HMMR: variants seen among roughly 807,000 people sequenced by gnomAD.
The protein encoded by HMMR is intracellular hyaluronic acid-binding protein.
In HMMR, 108 loss-of-function variants were observed where a neutral mutation model predicts 101.0. The ratio of observed to expected loss-of-function variants is 1.07; its 90% CI spans 0.92 to 1.25. The LOEUF is 1.25. Ranked by LOEUF, HMMR falls within the 50% of genes most tolerant of loss-of-function variation. HMMR has a pLI of 0.00. For synonymous variants in HMMR, 296 were observed against 276.4 expected (o/e 1.07, Z -0.70); for missense variants, 813 against 788.7 (o/e 1.03, Z -0.37).
chr5:163,464,787 G>A lies in HMMR; in HGVS notation c.210G>A (p.Lys70=), dbSNP rs1758647339. 1.2e-6 allele frequency: 2 copies of A among 1,610,788 alleles called. No homozygotes were observed. Among genetic ancestry groups the A allele is most frequent in the South Asian group, 1.1e-5 (1 of 91,000 alleles). The change falls in exon 3 of 18, where the codon AAG becomes AAA. Residue 70 remains lysine (K), a synonymous_variant. Coordinates refer to ENST00000393915, the MANE Select transcript of HMMR (RefSeq NM_001142556.2). ...TTLPASARKV[K]SSESKKESQK... ...TGCCTGCTTCAGCTAGAAAAGTTAA[G>A]TCTTCGGAATCAAAGGTGAGGAGCT...
intron 2 of HMMR, 51 bp from the exon 3 acceptor site, chr5:163,464,672 G>A (rs764460129): frequency 2.4e-6 from 3 of 1,255,584 alleles, no homozygotes; most frequent in Non-Finnish European, 2.3e-6. Context: ...TTTGTGTGTA[G>A]TTAAAACACA....
At chr5:163,482,361 G>A (rs60731941) in intron 12 of HMMR, among the ~76,000 whole-genome samples, 3 of 152,162 alleles carry the variant, frequency 2.0e-5, no homozygotes, top group African/African-American at 4.8e-5. Flanking sequence ...TAAATTGTGA[G>A]TAATTTTCAT....
chr5:163,482,541 T>G (rs1759306279), intron 12 of HMMR, 101 bp from the exon 13 acceptor site: 3 of 847,120 alleles, frequency 3.5e-6, no homozygotes, highest in Non-Finnish European at 5.6e-6. Context: ...TTAAAAACTT[T>G]TTAGTTTTAC....
intron 2 of HMMR, 76 bp from the exon 3 acceptor site, chr5:163,464,647 A>T: frequency 1.0e-6 from 1 of 992,728 alleles, no homozygotes; most frequent in Non-Finnish European, 1.6e-6. Flanking sequence ...AGACAAAAAA[A>T]TTTGGAAATT....
At chr5:163,466,815 C>T (rs1254825144) in intron 3 of HMMR, among the ~76,000 whole-genome samples, 1 of 152,080 alleles carries the variant, frequency 6.6e-6, no homozygotes, top group Non-Finnish European at 1.5e-5. Context: ...TTTAAACACA[C>T]TACTAGAAAA....
Position 163,482,681 on chromosome 5 carries a change from G to A in HMMR, c.1425G>A (p.Lys475=), listed in dbSNP as rs17600938. The change falls in exon 13 of 18, where the codon AAG becomes AAA. Residue 475 remains lysine, a synonymous_variant. Transcript: ENST00000393915. ...CAGCCAGTGAGATAGAAGATCTTAA[G>A]CTGGAGAACTCATCATTACAGGAAA... ...ALTASEIEDL[K]LENSSLQEKA... is the part of the protein sequence containing the mutation. The A allele has an allele frequency of 0.12, 186,935 of 1,606,420 alleles. 11,478 individuals carry two copies. Among genetic ancestry groups the A allele is most frequent in the South Asian group, 0.15 (13,491 of 90,758 alleles).
intron 1 of HMMR, among the ~76,000 whole-genome samples, chr5:163,462,355 T>C (rs575658456): frequency 2.7e-5 from 4 of 150,880 alleles, no homozygotes; most frequent in Non-Finnish European, 4.4e-5. Flanking sequence ...AGTGCGAGAC[T>C]CTGTTTCAAA....
In HMMR at chr5:163,471,398, G is replaced by T; in HGVS notation, c.585G>T (p.Lys195Asn). The change falls in exon 7 of 18, where the codon AAG becomes AAT. Residue 195 changes from lysine to asparagine, a missense_variant. Physicochemically the swap from Lys to Asn is moderately conservative, Grantham distance 94 (BLOSUM62 0). Transcript: ENST00000393915. ...CTAAGCAAGAAGGCATGGAGATGAA[G>T]CTGCAGGTCACCCAAAGGAGTCTCG... ...MMAKQEGMEMKLQVTQRSLEE... is the reference protein window; with the variant it reads ...MMAKQEGMEMNLQVTQRSLEE... The T allele has an allele frequency of 6.2e-7, 1 of 1,614,120 alleles. No homozygotes were observed. Among genetic ancestry groups the T allele is most frequent in the Non-Finnish European group, 8.5e-7 (1 of 1,180,012 alleles).
chr5:163,476,908 G>A (rs1322795274), intron 11 of HMMR, among the ~76,000 whole-genome samples: 2 of 152,056 alleles, frequency 1.3e-5, no homozygotes, highest in Non-Finnish European at 2.9e-5. Flanking sequence ...GCGCACGCCT[G>A]TAATCCCAGC....
At chr5:163,481,308 T>TTATA in intron 12 of HMMR, among the ~76,000 whole-genome samples, 1 of 150,914 alleles carries the variant, frequency 6.6e-6, no homozygotes, top group South Asian at 2.1e-4. Flanking sequence ...TATGTAAATT[T>TTATA]TATATATATA....
intron 1 of HMMR, 93 bp from the exon 2 acceptor site, chr5:163,463,763 T>C (rs1758614144): frequency 1.9e-6 from 1 of 521,552 alleles, no homozygotes; most frequent in Non-Finnish European, 3.2e-6. Context: ...GTTAATGACA[T>C]TTTTACATTT....
intron 4 of HMMR, among the ~76,000 whole-genome samples, chr5:163,468,668 G>A (rs1000476811): frequency 2.0e-5 from 3 of 152,138 alleles, no homozygotes; most frequent in African/African-American, 7.2e-5. Context: ...GAGGGTACAT[G>A]TAGGGGTTGA....
intron 16 of HMMR, among the ~76,000 whole-genome samples, chr5:163,488,829 T>C (rs1759575402): frequency 1.3e-5 from 2 of 152,248 alleles, no homozygotes; most frequent in Non-Finnish European, 1.5e-5. Flanking sequence ...GCTGGATATT[T>C]ATTCTGACTA....
Position 163,469,640 on chromosome 5 carries a change from G to C in HMMR, c.274-1G>C. The C allele has an allele frequency of 1.9e-6, 3 of 1,607,090 alleles. No individual in the cohort carries two copies. The highest frequency in any genetic ancestry group is 2.5e-6 in the Non-Finnish European group (3 of 1,177,974). ...TTTATTATCACCTTGTTTTTGTCCA[G>C]ATTCGTGTTCTTCTACAGGAACGTG... On this transcript the variant is annotated splice_acceptor_variant, in intron 4 of 17. Transcript: ENST00000393915. LOFTEE classifies it high-confidence loss of function.
intron 16 of HMMR, among the ~76,000 whole-genome samples, chr5:163,487,270 C>T (rs928407546): frequency 6.6e-6 from 1 of 151,840 alleles, no homozygotes; most frequent in African/African-American, 2.4e-5. Context: ...ATTAATCTAA[C>T]CTTCTGAGAT....
chr5:163,480,304 C>G (rs114460006), intron 12 of HMMR, among the ~76,000 whole-genome samples: 3 of 152,100 alleles, frequency 2.0e-5, no homozygotes, highest in African/African-American at 4.8e-5. Context: ...TTGAACTTTA[C>G]CAAAAAATGT....
At chr5:163,472,581 A>G (rs575282657) in intron 7 of HMMR, among the ~76,000 whole-genome samples, 1 of 152,266 alleles carries the variant, frequency 6.6e-6, no homozygotes, top group African/African-American at 2.4e-5. Flanking sequence ...GTTGTTCCAG[A>G]TTCTCACCAA....
At chr5:163,483,705 A>G (rs1398979737) in intron 15 of HMMR, among the ~76,000 whole-genome samples, 1 of 152,144 alleles carries the variant, frequency 6.6e-6, no homozygotes, top group Non-Finnish European at 1.5e-5. Context: ...AATTTGTGGT[A>G]TGACTTATTG....
chr5:163,472,825 G>C (rs1292931440), intron 7 of HMMR, among the ~76,000 whole-genome samples: 1 of 152,080 alleles, frequency 6.6e-6, no homozygotes, highest in Non-Finnish European at 1.5e-5. Flanking sequence ...AGGTAGTCTG[G>C]GACAAAAGCT....
Sources: allele counts gnomAD v4.1 joint callset (sites outside exome capture counted in the v4.1 genomes callset), GRCh38; gene constraint gnomAD v4.1.1; transcripts MANE v1.5; gene names NCBI Gene and HGNC (gene_info 2026-07-23, HGNC 2026-07-21).